Variants in TG observed in about 807,000 individuals in gnomAD.
The protein encoded by TG is thyroglobulin.
Under a neutral mutation model 324.7 loss-of-function variants are expected in TG, and 270 were observed. That is an observed-to-expected ratio of 0.83 (90% CI 0.75 to 0.92). The LOEUF (loss-of-function observed/expected upper bound fraction) is 0.92, where lower values mean the gene tolerates loss of function less well. Among genes scored for constraint, TG ranks in the 40% least tolerant of loss-of-function variants. The pLI, the probability that TG is intolerant of heterozygous loss-of-function variation, is 0.00. For missense variants in TG, 3,591 were observed against 3,456.4 expected, an observed-to-expected ratio of 1.04 and a Z score of -0.98; for synonymous variants, 1,401 against 1,327.0, an observed-to-expected ratio of 1.06 and a Z score of -1.21.
At chr8:132,936,806 C>T (rs1347106214) in intron 25 of TG, among the ~76,000 whole-genome samples, 1 of 152,170 alleles carries the variant, frequency 6.6e-6, no homozygotes, top group African/African-American at 2.4e-5. Flanking sequence ...CGCTCTGGGC[C>T]ATGGCCAGGC....
At chr8:133,061,333 T>C (rs1251587959) in intron 41 of TG, among the ~76,000 whole-genome samples, 4 of 152,146 alleles carry the variant, frequency 2.6e-5, no homozygotes, top group Admixed American at 6.5e-5. Context: ...TTTCTGACTG[T>C]TTTGGGGAAC....
chr8:132,946,048 A>G (rs932361460), intron 26 of TG, among the ~76,000 whole-genome samples: 3 of 106,796 alleles, frequency 2.8e-5, no homozygotes, highest in African/African-American at 1.6e-4. Flanking sequence ...ACACACACAC[A>G]CACACACACA....
At chr8:133,068,952 A>G (rs1419233418) in intron 41 of TG, among the ~76,000 whole-genome samples, 1 of 152,256 alleles carries the variant, frequency 6.6e-6, no homozygotes, top group Non-Finnish European at 1.5e-5. Flanking sequence ...GGTCCTGGAT[A>G]CCTCTAGATC....
At chr8:133,114,554 G>A (rs1850535170) in intron 44 of TG, among the ~76,000 whole-genome samples, 6 of 152,202 alleles carry the variant, frequency 3.9e-5, no homozygotes, top group Admixed American at 2.6e-4. Context: ...TTCCTTCTGA[G>A]CTCCTTAGGA....
chr8:132,969,520 A>G lies in TG; in HGVS notation c.5926A>G (p.Ile1976Val), dbSNP rs894425388. The G allele has an allele frequency of 3.7e-6, 6 of 1,614,032 alleles. 1 individual carries two copies. The African/African-American group carries it at 5.3e-5, about 14-fold the overall frequency. ...TRLPFQKLMGISIRNKVPMSE... is the reference protein window; with the variant it reads ...TRLPFQKLMGVSIRNKVPMSE... Reference sequence around the variant, plus strand: ...CCTGCCGTTCCAAAAACTGATGGGGATATCCATTAGAAATAAAGTGCCCAT... The same window carrying G: ...CCTGCCGTTCCAAAAACTGATGGGGGTATCCATTAGAAATAAAGTGCCCAT... Residue 1976 changes from isoleucine to valine, a missense_variant, in exon 32 of 48, where the codon ATA becomes GTA. By Grantham distance (29) the Ile-to-Val change is conservative. Coordinates refer to ENST00000220616, the MANE Select transcript of TG (RefSeq NM_003235.5).
intron 34 of TG, among the ~76,000 whole-genome samples, chr8:132,979,100 TC>T (rs1302629355): frequency 1.3e-5 from 2 of 152,120 alleles, no homozygotes. Context: ...GAGGAACTGT[TC>T]TAAGCCTCCA....
intron 40 of TG, among the ~76,000 whole-genome samples, chr8:133,023,840 C>T (rs1308308898): frequency 1.3e-5 from 2 of 152,160 alleles, no homozygotes; most frequent in East Asian, 1.9e-4. Context: ...TCATGTGCTT[C>T]TGGAGAGGCA....
At chr8:132,897,175 T>C (rs886084432) in intron 11 of TG, among the ~76,000 whole-genome samples, 8 of 152,244 alleles carry the variant, frequency 5.3e-5, no homozygotes, top group Non-Finnish European at 8.8e-5. Context: ...CTTCTTTCTG[T>C]CTGTGAACCC....
intron 5 of TG, among the ~76,000 whole-genome samples, chr8:132,875,899 C>A (rs1352875155): frequency 1.3e-5 from 2 of 152,048 alleles, no homozygotes; most frequent in East Asian, 1.9e-4. Context: ...CTTCTCTGGG[C>A]ACAGTGGAAG....
intron 31 of TG, among the ~76,000 whole-genome samples, chr8:132,968,489 A>AT (rs1180028524): frequency 6.6e-6 from 1 of 152,102 alleles, no homozygotes; most frequent in East Asian, 1.9e-4. Flanking sequence ...ATGATGCCAT[A>AT]TTTTTGGAGA....
rs570865519 is a variant in TG, at chr8:132,950,785, A to G, written c.5401+1842A>G. Among the ~76,000 whole-genome samples the G allele has an allele frequency of 3.9e-5, 6 of 152,288 alleles. No homozygotes were observed. The East Asian group carries it at 1.2e-3, about 29-fold the overall frequency. ...CCAGTACCCATCTCACGGGGTTGGG[A>G]GGATAAAAGGAGAGGATATAACAAT... On this transcript the variant is annotated intron_variant, in intron 27 of 47. Transcript: ENST00000220616.
chr8:132,971,939 A>G (rs1587636360), intron 33 of TG, 66 bp downstream of exon 33: 2 of 1,126,334 alleles, frequency 1.8e-6, no homozygotes, highest in East Asian at 2.3e-5. Context: ...ACACATTCAC[A>G]TCTATGCTTT....
At chr8:133,045,241 G>A (rs1390659543) in intron 41 of TG, 6 of 904,908 alleles carry the variant, frequency 6.6e-6, no homozygotes, top group Non-Finnish European at 1.0e-5. Flanking sequence ...GTGATGCTAG[G>A]ATGCAGCCCC....
chr8:132,911,339 T>G, intron 18 of TG, 38 bp from the exon 19 acceptor site: 3 of 1,614,156 alleles, frequency 1.9e-6, no homozygotes, highest in Non-Finnish European at 2.5e-6. Context: ...AGCTTTCTAC[T>G]CTGTGTTCTT....
chr8:132,952,188 G>A (rs1826201480), intron 27 of TG, among the ~76,000 whole-genome samples: 1 of 152,192 alleles, frequency 6.6e-6, no homozygotes, highest in Non-Finnish European at 1.5e-5. Context: ...GATGATGGTG[G>A]ACTCTGACTC....
In TG at chr8:132,903,822, T is replaced by C. The variant is rs553484188; in HGVS notation, c.3634+2269T>C. Among the ~76,000 whole-genome samples the C allele has an allele frequency of 3.8e-3, 576 of 152,320 alleles. 3 individuals carry two copies. Among genetic ancestry groups the C allele is most frequent in the Middle Eastern group, 0.014 (4 of 294 alleles). ...CCTTGGGCTGGTCCCCTAACCTCTC[T>C]GGATGTCAGTGTCTCAATCTGTGAA... On this transcript the variant is annotated intron_variant, in intron 16 of 47. Coordinates refer to ENST00000220616, the MANE Select transcript of TG (RefSeq NM_003235.5).
chr8:133,051,054 C>T, intron 41 of TG: 2 of 621,992 alleles, frequency 3.2e-6, no homozygotes, highest in Non-Finnish European at 5.8e-6. Context: ...CACCAATTTA[C>T]AGCAAGGTCC....
chr8:133,088,669 G>T (rs1222687221), intron 41 of TG, among the ~76,000 whole-genome samples: 1 of 152,166 alleles, frequency 6.6e-6, no homozygotes, highest in East Asian at 1.9e-4. Flanking sequence ...CAAAAAAGAA[G>T]GAATAGCATT....
intron 41 of TG, chr8:133,045,068 T>C (rs1257100658): frequency 1.2e-6 from 2 of 1,614,140 alleles, no homozygotes; most frequent in Non-Finnish European, 8.5e-7. Context: ...AGACGGAAAA[T>C]GCGGTAATGC....
Sources: gnomAD v4.1 joint callset for allele counts (sites outside exome capture counted in the v4.1 genomes callset) on GRCh38, gnomAD v4.1.1 for gene constraint, MANE v1.5 for transcripts, NCBI Gene and HGNC (gene_info 2026-07-23, HGNC 2026-07-21) for gene names.